CACNA1C: variants seen among roughly 807,000 people sequenced by gnomAD.
The protein encoded by CACNA1C is calcium voltage-gated channel subunit alpha1 C.
CACNA1C carries 30 observed loss-of-function variants against 229.0 expected under a neutral mutation model. The observed-to-expected ratio is 0.13, with a 90% confidence interval of 0.10 to 0.18. The LOEUF (loss-of-function observed/expected upper bound fraction) is 0.18, where lower values mean the gene tolerates loss of function less well. CACNA1C is among the 10% of genes least tolerant of loss of function. The pLI, the probability that CACNA1C is intolerant of heterozygous loss-of-function variation, is 1.00. For synonymous variants in CACNA1C, 1,114 were observed against 1,132.5 expected, an observed-to-expected ratio of 0.98 and a Z score of 0.33; for missense variants, 1,658 against 2,845.0, an observed-to-expected ratio of 0.58 and a Z score of 9.49.
intron 3 of CACNA1C, among the ~76,000 whole-genome samples, chr12:2,243,183 A>G (rs1199234698): frequency 6.6e-6 from 1 of 152,228 alleles, no homozygotes; most frequent in African/African-American, 2.4e-5. Context: ...GCACTCATCC[A>G]TACACCATGG....
intron 3 of CACNA1C, among the ~76,000 whole-genome samples, chr12:2,258,744 A>C (rs564014723): frequency 5.2e-4 from 79 of 152,280 alleles, no homozygotes; most frequent in African/African-American, 1.7e-3. Context: ...AAGACGCCTG[A>C]ATATTTTCTA....
upstream of CACNA1C, chr12:2,052,909 G>A (rs979193848): frequency 1.1e-6 from 1 of 880,022 alleles, no homozygotes; most frequent in Non-Finnish European, 1.4e-6. Flanking sequence ...GGGCGGGCGG[G>A]CGGCGCGGGC....
chr12:2,303,477 AC>A (rs1310294433), intron 3 of CACNA1C, among the ~76,000 whole-genome samples: 5 of 151,324 alleles, frequency 3.3e-5, no homozygotes, highest in South Asian at 2.1e-4. Flanking sequence ...TTAATACCCT[AC>A]CCCTAGGCCA....
chr12:2,471,503 AG>A (rs2099592338), intron 5 of CACNA1C, among the ~76,000 whole-genome samples: 1 of 152,240 alleles, frequency 6.6e-6, no homozygotes, highest in South Asian at 2.1e-4. Context: ...TCTATAATGT[AG>A]GTCTGCTGCT....
At chr12:2,137,926 G>C (rs947984445) in intron 3 of CACNA1C, among the ~76,000 whole-genome samples, 2 of 151,420 alleles carry the variant, frequency 1.3e-5, no homozygotes, top group African/African-American at 4.8e-5. Flanking sequence ...TCCTGGAGCC[G>C]ACACATCGCC....
intron 3 of CACNA1C, among the ~76,000 whole-genome samples, chr12:2,364,994 T>C (rs1337845996): frequency 6.6e-6 from 1 of 152,180 alleles, no homozygotes; most frequent in African/African-American, 2.4e-5. Context: ...TGCCTGTGAG[T>C]GGCCTACAGG....
intron 9 of CACNA1C, among the ~76,000 whole-genome samples, chr12:2,546,556 C>A (rs1314926431): frequency 6.6e-6 from 1 of 152,098 alleles, no homozygotes; most frequent in Admixed American, 6.5e-5. Flanking sequence ...TCTTCACATT[C>A]TTCCATGCAG....
rs1328817509 is a variant in CACNA1C, at chr12:2,567,739, C to T, written c.1840C>T (p.Leu614=). 5.0e-6 allele frequency: 8 copies of T among 1,613,642 alleles called. No individual in the cohort carries two copies. The South Asian group carries it at 6.6e-5, about 13-fold the overall frequency. The change falls in exon 13 of 47, where the codon CTG becomes TTG. Residue 614 remains leucine, a synonymous_variant. Transcript: ENST00000399655. The part of the protein sequence containing the change: ...ILVETKIMSP[L]GISVLRCVRL... ...GGTGGAGACCAAGATCATGTCCCCA[C>T]TGGGCATCTCCGTGCTCAGATGCGT...
At chr12:2,077,970 A>G (rs538374500) in intron 1 of CACNA1C, among the ~76,000 whole-genome samples, 1 of 152,376 alleles carries the variant, frequency 6.6e-6, no homozygotes, top group South Asian at 2.1e-4. Flanking sequence ...TGATAGATTA[A>G]TGGATAAAGA....
intron 3 of CACNA1C, among the ~76,000 whole-genome samples, chr12:2,205,871 CTG>C (rs1173842103): frequency 6.6e-6 from 1 of 152,210 alleles, no homozygotes; most frequent in Admixed American, 6.5e-5. Context: ...TGTCTCCTCA[CTG>C]TGTCCTCATA....
rs189386309 is a variant in CACNA1C at position 2,334,187 on chromosome 12, A to G, written c.478-114789A>G. Among the ~76,000 whole-genome samples, 519 of 152,322 alleles carry G rather than the reference A, an allele frequency of 3.4e-3. 2 individuals are homozygous for G. Among genetic ancestry groups the G allele is most frequent in the Non-Finnish European group, 4.0e-3 (274 of 68,028 alleles). ...CTAGTGAAAAAGATTTACACAAGGC[A>G]GAAAGTGGGTGGAAGCCATTTGGCC... On this transcript the variant is annotated intron_variant, in intron 3 of 46. Coordinates refer to ENST00000399655, the MANE Select transcript of CACNA1C (RefSeq NM_000719.7).
chr12:2,421,690 A>G (rs1204578601), intron 3 of CACNA1C, among the ~76,000 whole-genome samples: 1 of 152,138 alleles, frequency 6.6e-6, no homozygotes. Flanking sequence ...AGGTGGGTAG[A>G]TCATGAGGTT....
chr12:2,168,763 T>C (rs1318999700), intron 3 of CACNA1C, among the ~76,000 whole-genome samples: 1 of 152,182 alleles, frequency 6.6e-6, no homozygotes, highest in East Asian at 1.9e-4. Context: ...AGGGATTCAT[T>C]GCAAAGTGTA....
At chr12:2,307,017 C>G (rs2095085010) in intron 3 of CACNA1C, among the ~76,000 whole-genome samples, 1 of 152,184 alleles carries the variant, frequency 6.6e-6, no homozygotes, top group Non-Finnish European at 1.5e-5. Flanking sequence ...AAAACCAGAG[C>G]CCACTCTTAG....
At position 2,691,220 on chromosome 12, in the gene CACNA1C, CT is replaced by C. The variant is rs753631325; in HGVS notation, c.*29del. On this transcript the variant is annotated 3_prime_UTR_variant, in exon 47 of 47. Coordinates refer to ENST00000399655, the MANE Select transcript of CACNA1C (RefSeq NM_000719.7). ...TGTAGTGGGCGCTGCCAGATGCGGG[CT>C]TTTTTTTATTTGTTTCAATGTTCCT... is the stretch of plus-strand genomic sequence containing the variant. 10 of 1,517,474 alleles carry C rather than the reference CT, an allele frequency of 6.6e-6. No individual in the cohort carries two copies. The highest frequency in any genetic ancestry group is 1.4e-5 in the African/African-American group (1 of 71,490). The allele number at this position is 1,517,474 out of a possible 1,614,324, so 94.0% of individuals were successfully genotyped here.
intron 3 of CACNA1C, among the ~76,000 whole-genome samples, chr12:2,196,551 A>G (rs1469341778): frequency 2.0e-5 from 3 of 152,254 alleles, no homozygotes; most frequent in Non-Finnish European, 4.4e-5. Context: ...TGGCCTGTTT[A>G]GTGCATAACA....
chr12:2,111,130 G>A (rs2081559155), intron 1 of CACNA1C, among the ~76,000 whole-genome samples: 1 of 152,264 alleles, frequency 6.6e-6, no homozygotes, highest in Non-Finnish European at 1.5e-5. Context: ...TTGGCCTCTG[G>A]CTAGGGAGAG....
chr12:2,622,759 A>G (rs1602451352), intron 29 of CACNA1C, among the ~76,000 whole-genome samples: 1 of 152,028 alleles, frequency 6.6e-6, no homozygotes, highest in Non-Finnish European at 1.5e-5. Flanking sequence ...TTCCTTCACA[A>G]TCTTTCCTCT....
chr12:2,006,953 G>A (rs776716516), intron 1 of CACNA1C, among the ~76,000 whole-genome samples: 10 of 152,022 alleles, frequency 6.6e-5, no homozygotes, highest in African/African-American at 4.8e-5. Flanking sequence ...AAAAACATAG[G>A]GCTGCAGCAA....
Sources: gnomAD v4.1 joint callset for allele counts (sites outside exome capture counted in the v4.1 genomes callset) on GRCh38, gnomAD v4.1.1 for gene constraint, MANE v1.5 for transcripts, NCBI Gene and HGNC (gene_info 2026-07-23, HGNC 2026-07-21) for gene names.